Variants in LRRC42 observed in about 807,000 individuals in gnomAD.
LRRC42 encodes the protein leucine-rich repeat-containing protein 42.
A neutral mutation model predicts 44.3 loss-of-function variants in LRRC42; 43 were observed. The observed-to-expected ratio is 0.97, with a 90% confidence interval of 0.76 to 1.25. The LOEUF is 1.25. LRRC42 is among the 50% of genes most tolerant of loss of function. LRRC42 has a pLI of 0.00. For synonymous variants in LRRC42, 207 were observed against 195.2 expected, an observed-to-expected ratio of 1.06 and a Z score of -0.50; for missense variants, 540 against 509.1, an observed-to-expected ratio of 1.06 and a Z score of -0.58.
chr1:53,966,102 A>C (rs1453039022), intron 7 of LRRC42, among the ~76,000 whole-genome samples, 194 bp from the exon 8 acceptor site: 1 of 152,248 alleles, frequency 6.6e-6, no homozygotes, highest in East Asian at 1.9e-4. Flanking sequence ...ACGTGTTTGC[A>C]TTCTGACTCA....
chr1:53,967,950 C>G lies in LRRC42; in HGVS notation c.*11C>G. ...TTAAATTCCTATTGATTAGTAGATA[C>G]AAGTTGACCTTTCTCTGGCCCCCAG... is the stretch of plus-strand genomic sequence containing the variant. On this transcript the variant is annotated 3_prime_UTR_variant, in exon 9 of 9. Transcript: ENST00000371370. The G allele has an allele frequency of 6.2e-7, 1 of 1,604,322 alleles. No individual in the cohort carries two copies. The highest frequency in any genetic ancestry group is 8.5e-7 in the Non-Finnish European group (1 of 1,173,370).
intron 2 of LRRC42, among the ~76,000 whole-genome samples, chr1:53,950,536 G>A (rs1245061888): frequency 6.6e-6 from 1 of 152,196 alleles, no homozygotes; most frequent in Non-Finnish European, 1.5e-5. Context: ...TGCCTTCAGG[G>A]CCACATTGTG....
At chr1:53,967,267 T>C (rs577691626) in intron 8 of LRRC42, among the ~76,000 whole-genome samples, 7 of 152,226 alleles carry the variant, frequency 4.6e-5, no homozygotes, top group Non-Finnish European at 8.8e-5. Context: ...TTTCGAATAA[T>C]GAAGGCTGTC....
At chr1:53,958,946 C>T (rs1020806248) in intron 4 of LRRC42, among the ~76,000 whole-genome samples, 11 of 152,046 alleles carry the variant, frequency 7.2e-5, no homozygotes, top group African/African-American at 2.7e-4. Flanking sequence ...AGTGCAGTGG[C>T]GTGATCTTGG....
At chr1:53,957,500 G>A (rs962949545) in intron 3 of LRRC42, among the ~76,000 whole-genome samples, 1 of 152,136 alleles carries the variant, frequency 6.6e-6, no homozygotes, top group African/African-American at 2.4e-5. Flanking sequence ...TAACAACTTG[G>A]CAAGGTGCTG....
At position 53,962,067 on chromosome 1, in the gene LRRC42, A is replaced by G. The variant is rs1655008557; in HGVS notation, c.758A>G (p.Tyr253Cys). Reference protein sequence around the residue: ...NPEITDAGIGYLFSFRKLNCL... With the variant: ...NPEITDAGIGCLFSFRKLNCL... The stretch of plus-strand genomic sequence containing the variant: ...GAGATCACAGATGCAGGCATTGGAT[A>G]CCTCTTTTCTTTTAGGAAACTAAAC... Residue 253 changes from tyrosine to cysteine, a missense_variant, in exon 6 of 9, where the codon TAC becomes TGC. Coordinates refer to ENST00000371370, the MANE Select transcript of LRRC42 (RefSeq NM_001256409.2). 10 of 1,613,892 alleles carry G rather than the reference A, an allele frequency of 6.2e-6. No individual in the cohort carries two copies. Among genetic ancestry groups the G allele is most frequent in the Admixed American group, 1.7e-5 (1 of 59,986 alleles).
chr1:53,950,223 G>A (rs1654634569), intron 2 of LRRC42, among the ~76,000 whole-genome samples: 1 of 152,194 alleles, frequency 6.6e-6, no homozygotes, highest in South Asian at 2.1e-4. Flanking sequence ...GCTAGGTCAG[G>A]TAGGCAGAGA....
intron 4 of LRRC42, among the ~76,000 whole-genome samples, chr1:53,958,821 G>A (rs1654917898): frequency 6.6e-6 from 1 of 152,084 alleles, no homozygotes; most frequent in Non-Finnish European, 1.5e-5. Context: ...CCTGACCTCA[G>A]GTGATCCTCC....
intron 2 of LRRC42, among the ~76,000 whole-genome samples, chr1:53,949,890 C>G (rs1038739349): frequency 6.6e-6 from 1 of 152,244 alleles, no homozygotes; most frequent in African/African-American, 2.4e-5. Flanking sequence ...ACAGTATCAG[C>G]AGGCCCTACA....
At chr1:53,949,983 T>C (rs1246956746) in intron 2 of LRRC42, among the ~76,000 whole-genome samples, 2 of 152,252 alleles carry the variant, frequency 1.3e-5, no homozygotes, top group Non-Finnish European at 2.9e-5. Context: ...GCTTACTTAG[T>C]ACTAGGCACT....
In LRRC42 at chr1:53,962,327, C is replaced by T. The variant is rs377181063; in HGVS notation, c.845C>T (p.Thr282Ile). The T allele has an allele frequency of 2.5e-6, 4 of 1,613,964 alleles. No homozygotes were observed. The African/African-American group carries it at 4.0e-5, about 16-fold the overall frequency. ...AAAACCGTCAAGCACAAGCTCCAGA[C>T]CCACATAGGCCTTGTTCACTCCAAA... ...DIKTVKHKLQ[T>I]HIGLVHSKVP... Residue 282 changes from threonine to isoleucine, a missense_variant, in exon 7 of 9, where the codon ACC (threonine) becomes ATC (isoleucine). By Grantham distance (89) the Thr-to-Ile change is moderately conservative (BLOSUM62 -1). Transcript: ENST00000371370.
At chr1:53,964,467 G>A (rs572392784) in intron 7 of LRRC42, among the ~76,000 whole-genome samples, 2 of 152,096 alleles carry the variant, frequency 1.3e-5, no homozygotes, top group Admixed American at 1.3e-4. Flanking sequence ...AGCTTGTCCC[G>A]AACCAAACTC....
At chr1:53,963,971 C>G (rs1227366849) in intron 7 of LRRC42, among the ~76,000 whole-genome samples, 1 of 112,770 alleles carries the variant, frequency 8.9e-6, no homozygotes, top group African/African-American at 3.4e-5. Context: ...TTCATTGTCC[C>G]CCTTTGTTGG....
intron 6 of LRRC42, 82 bp downstream of exon 6, chr1:53,962,204 G>A: frequency 6.9e-7 from 1 of 1,446,112 alleles, no homozygotes; most frequent in Non-Finnish European, 9.7e-7. Context: ...TTTAGAAAGG[G>A]CTGGTATTTA....
At chr1:53,961,939 T>G (rs544395471) in intron 5 of LRRC42, 95 bp from the exon 6 acceptor site, 2 of 862,284 alleles carry the variant, frequency 2.3e-6, no homozygotes, top group Non-Finnish European at 3.8e-6. Flanking sequence ...TTTTATAGTT[T>G]ATCATTGCCC....
intron 3 of LRRC42, among the ~76,000 whole-genome samples, chr1:53,953,886 C>T (rs1654761095): frequency 6.6e-6 from 1 of 152,228 alleles, no homozygotes; most frequent in South Asian, 2.1e-4. Context: ...TGCCCACCAC[C>T]ATGCCTGGCT....
chr1:53,949,214 G>GC (rs1224000578), intron 2 of LRRC42, among the ~76,000 whole-genome samples: 1 of 152,084 alleles, frequency 6.6e-6, no homozygotes, highest in African/African-American at 2.4e-5. Flanking sequence ...AGCTGCTTGT[G>GC]CCCTCTGCTG....
At chr1:53,963,266 C>T (rs1404147234) in intron 7 of LRRC42, among the ~76,000 whole-genome samples, 2 of 152,198 alleles carry the variant, frequency 1.3e-5, no homozygotes, top group African/African-American at 4.8e-5. Flanking sequence ...TGGTCCAGAA[C>T]ATGCATGATG....
intron 7 of LRRC42, among the ~76,000 whole-genome samples, chr1:53,963,652 G>A (rs917109612): frequency 6.6e-6 from 1 of 152,194 alleles, no homozygotes; most frequent in Non-Finnish European, 1.5e-5. Context: ...TGGGCCCCTA[G>A]GGCGTGGCAG....
Sources: gnomAD v4.1 joint callset for allele counts (sites outside exome capture counted in the v4.1 genomes callset) on GRCh38, gnomAD v4.1.1 for gene constraint, MANE v1.5 for transcripts, NCBI Gene and HGNC (gene_info 2026-07-23, HGNC 2026-07-21) for gene names.